Variants in SPICE1 observed in about 807,000 individuals in gnomAD.
The protein encoded by SPICE1 is spindle and centriole associated protein 1, also known as spindle and centriole-associated protein 1.
A neutral mutation model predicts 102.7 loss-of-function variants in SPICE1; 75 were observed. The ratio of observed to expected loss-of-function variants is 0.73; its 90% CI spans 0.61 to 0.88. The LOEUF is 0.88. SPICE1 is among the 40% of genes least tolerant of loss of function. The pLI is 0.00. For missense variants in SPICE1, 979 were observed against 1,020.1 expected (o/e 0.96, Z 0.55); for synonymous variants, 308 against 350.3 (o/e 0.88, Z 1.35).
At chr3:113,511,719 T>C (rs144837492) in intron 1 of SPICE1, among the ~76,000 whole-genome samples, 1 of 152,162 alleles carries the variant, frequency 6.6e-6, no homozygotes, top group Non-Finnish European at 1.5e-5. Flanking sequence ...ATGGCACACG[T>C]TTACCTATGA....
Position 113,448,054 on chromosome 3 carries a change from C to G in SPICE1, c.2410G>C (p.Gly804Arg), listed in dbSNP as rs756085646. Reference sequence around the variant, plus strand: ...GCAACTTACCTTCTTGTATTTATCCCGCTGACGGGAGAGACAGTACTACAT... The same window carrying G: ...GCAACTTACCTTCTTGTATTTATCCGGCTGACGGGAGAGACAGTACTACAT... ...SKCSTVSPVSGINTRRSSGAT... is the reference protein window; with the variant it reads ...SKCSTVSPVSRINTRRSSGAT... Residue 804 changes from glycine (G) to arginine (R), a missense_variant, in exon 16 of 18, where the codon GGG becomes CGG. By Grantham distance (125) the Gly-to-Arg change is moderately radical. Coordinates refer to ENST00000295872, the MANE Select transcript of SPICE1 (RefSeq NM_144718.4). 1.2e-6 allele frequency: 2 copies of G among 1,606,516 alleles called. No homozygotes were observed. The highest frequency in any genetic ancestry group is 1.7e-6 in the Non-Finnish European group (2 of 1,176,870).
rs753986899 is a variant in SPICE1, at chr3:113,494,142, TC to T, written c.292-1del. On this transcript the variant is annotated splice_acceptor_variant, in intron 4 of 17. Coordinates refer to ENST00000295872, the MANE Select transcript of SPICE1 (RefSeq NM_144718.4). LOFTEE classifies it high-confidence loss of function. Reference sequence around the variant, plus strand: ...TGCATCTGGTATTGATCAGAAAGAATCTAGACATGTGTTAATGACAAATATT... The same window carrying T: ...TGCATCTGGTATTGATCAGAAAGAATTAGACATGTGTTAATGACAAATATT... 6.3e-7 allele frequency: 1 copy of T among 1,578,874 alleles called. No homozygotes were observed. Among genetic ancestry groups the T allele is most frequent in the African/African-American group, 1.4e-5 (1 of 73,978 alleles).
Position 113,486,414 on chromosome 3 carries a change from C to T in SPICE1, c.611+2531G>A, listed in dbSNP as rs374316946. 2.7e-5 allele frequency among the ~76,000 whole-genome samples: 4 copies of T among 150,474 alleles called. No homozygotes were observed. In the East Asian group the frequency reaches 5.8e-4, roughly 22 times the overall value. On this transcript the variant is annotated intron_variant, in intron 7 of 17. Coordinates refer to ENST00000295872, the MANE Select transcript of SPICE1 (RefSeq NM_144718.4). ...TTCAAAAAATCAATGAATCCAGGAG[C>T]TGGTTTTTTGAAAAGATCAACAAAA...
Position 113,475,118 on chromosome 3 carries a change from C to A in SPICE1, c.612-5880G>T, listed in dbSNP as rs888202753. Among the ~76,000 whole-genome samples the A allele has an allele frequency of 8.0e-4, 121 of 152,194 alleles. 2 individuals are homozygous for A. The highest frequency in any genetic ancestry group is 5.9e-4 in the Admixed American group (9 of 15,284). On this transcript the variant is annotated intron_variant, in intron 7 of 17. Coordinates refer to ENST00000295872, the MANE Select transcript of SPICE1 (RefSeq NM_144718.4). ...AAAGGGGATATCACCACTGATCCCA[C>A]AGAAATACAAACTACCCTCAGAGAA...
At chr3:113,471,296 AT>A (rs201100968) in intron 7 of SPICE1, among the ~76,000 whole-genome samples, 2 of 152,192 alleles carry the variant, frequency 1.3e-5, no homozygotes, top group African/African-American at 4.8e-5. Context: ...GCAATCACAT[AT>A]TTTTTAAAAA....
chr3:113,448,194 T>C, intron 15 of SPICE1, 54 bp from the exon 16 acceptor site: 3 of 1,456,610 alleles, frequency 2.1e-6, no homozygotes, highest in South Asian at 2.7e-5. Context: ...AATAAAAATT[T>C]CACTCAATTT....
chr3:113,497,578 G>A (rs1340001506), intron 4 of SPICE1, among the ~76,000 whole-genome samples: 1 of 151,636 alleles, frequency 6.6e-6, no homozygotes, highest in African/African-American at 2.4e-5. Flanking sequence ...AATTACATAG[G>A]AACTGTCTAA....
At chr3:113,505,314 AT>A (rs11344009) in intron 2 of SPICE1, among the ~76,000 whole-genome samples, 31,942 of 150,440 alleles carry the variant, frequency 0.21, 3,660 homozygotes, top group African/African-American at 0.3. Flanking sequence ...GTTATCACAT[AT>A]TTTTTTTTTC....
chr3:113,460,380 C>A (rs1935902551), intron 12 of SPICE1: 1 of 917,040 alleles, frequency 1.1e-6, no homozygotes, highest in Admixed American at 6.2e-5. Flanking sequence ...ATAACACCTA[C>A]CTCATCAGAC....
chr3:113,451,465 T>TAATA lies in SPICE1; in HGVS notation c.2143-953_2143-950dup, dbSNP rs546754890. Among the ~76,000 whole-genome samples the TAATA allele has an allele frequency of 4.8e-3, 730 of 152,152 alleles. 7 individuals are homozygous for TAATA. The highest frequency in any genetic ancestry group is 0.016 in the African/African-American group (661 of 41,494). On this transcript the variant is annotated intron_variant, in intron 14 of 17. Transcript: ENST00000295872. The stretch of plus-strand genomic sequence containing the variant: ...CTGATTTTTAGCTTATGTCTATTAG[T>TAATA]AATAAATAAATAAATAAATAGGAAA...
chr3:113,496,202 T>A (rs1216972589), intron 4 of SPICE1, among the ~76,000 whole-genome samples: 2 of 151,948 alleles, frequency 1.3e-5, no homozygotes, highest in East Asian at 1.9e-4. Flanking sequence ...TCCCTGCCCT[T>A]GGGAAAAATG....
intron 7 of SPICE1, among the ~76,000 whole-genome samples, chr3:113,482,538 T>G (rs1936536099): frequency 6.6e-6 from 1 of 152,242 alleles, no homozygotes; most frequent in South Asian, 2.1e-4. Context: ...TTTTTATGGT[T>G]TCAGGTCTTA....
intron 14 of SPICE1, among the ~76,000 whole-genome samples, chr3:113,452,804 C>G (rs1433197164): frequency 6.6e-6 from 1 of 151,988 alleles, no homozygotes; most frequent in Non-Finnish European, 1.5e-5. Flanking sequence ...ATGGTGAAAC[C>G]CCGTCTCTAC....
rs79674182 is a variant in SPICE1, at chr3:113,492,699, A to C, written c.492+507T>G. ...TCCATGCAACAATGATATCAGGTAC[A>C]TTCTAGTCCCATTTAACAAAAAACG... is the stretch of plus-strand genomic sequence containing the variant. On this transcript the variant is annotated intron_variant, in intron 6 of 17. Coordinates refer to ENST00000295872, the MANE Select transcript of SPICE1 (RefSeq NM_144718.4). Among the ~76,000 whole-genome samples the C allele has an allele frequency of 5.5e-3, 842 of 152,318 alleles. 8 individuals carry two copies. The highest frequency in any genetic ancestry group is 0.018 in the African/African-American group (764 of 41,572).
intron 7 of SPICE1, among the ~76,000 whole-genome samples, chr3:113,481,251 G>C (rs1009909603): frequency 1.3e-5 from 2 of 151,926 alleles, no homozygotes; most frequent in African/African-American, 4.8e-5. Flanking sequence ...TAAAAACAAA[G>C]AATAACTAGT....
rs1321571075 is a variant in SPICE1 at position 113,470,166 on chromosome 3, G to A, written c.612-928C>T. ...AAGTTACAGCCTACCTTCTTCTGGAGGCTTAGTATAAAAGCAAGAACAAAG... is the reference window on the plus strand; with the variant it reads ...AAGTTACAGCCTACCTTCTTCTGGAAGCTTAGTATAAAAGCAAGAACAAAG... On this transcript the variant is annotated intron_variant, in intron 7 of 17. Coordinates refer to ENST00000295872, the MANE Select transcript of SPICE1 (RefSeq NM_144718.4). Among the ~76,000 whole-genome samples the A allele has an allele frequency of 2.6e-5, 4 of 152,284 alleles. No homozygotes were observed. The South Asian group carries it at 8.3e-4, about 32-fold the overall frequency.
chr3:113,493,644 T>A (rs1559973075), intron 5 of SPICE1, among the ~76,000 whole-genome samples: 1 of 152,140 alleles, frequency 6.6e-6, no homozygotes, highest in Non-Finnish European at 1.5e-5. Context: ...TTCTAGAAGA[T>A]TAAGATAAAC....
chr3:113,489,105 T>A, intron 6 of SPICE1, 42 bp from the exon 7 acceptor site: 1 of 1,272,036 alleles, frequency 7.9e-7, no homozygotes, highest in Non-Finnish European at 1.1e-6. Flanking sequence ...GTTGATTATA[T>A]ATATACTCAG....
At position 113,468,823 on chromosome 3, in the gene SPICE1, GTC is replaced by G. The variant is rs1446935005; in HGVS notation, c.826_827del (p.Asp276LeufsTer20). 3.1e-6 allele frequency: 5 copies of G among 1,614,168 alleles called. No individual in the cohort carries two copies. The highest frequency in any genetic ancestry group is 4.2e-6 in the Non-Finnish European group (5 of 1,180,020). On this transcript the variant is annotated frameshift_variant, in exon 9 of 18. Transcript: ENST00000295872. LOFTEE classifies it high-confidence loss of function. ...LQPEESTETL[D>X]SSYVVGHVLN... ...GCACGTGTCCCACAACGTAGCTTGA[GTC>G]TAGAGTCTCAGTAGATTCTTCAGGC... is the stretch of plus-strand genomic sequence containing the variant.
Sources: gnomAD v4.1 joint callset for allele counts (sites outside exome capture counted in the v4.1 genomes callset) on GRCh38, gnomAD v4.1.1 for gene constraint, MANE v1.5 for transcripts, NCBI Gene and HGNC (gene_info 2026-07-23, HGNC 2026-07-21) for gene names.